The following MTX2 variants were observed in gnomAD, a reference collection of about 807,000 sequenced individuals.
MTX2 encodes the protein metaxin 2.
Under a neutral mutation model 42.3 loss-of-function variants are expected in MTX2, and 35 were observed. The ratio of observed to expected loss-of-function variants is 0.83; its 90% CI spans 0.63 to 1.10. The LOEUF (loss-of-function observed/expected upper bound fraction) is 1.10. MTX2 is among the 50% of genes least tolerant of loss of function. MTX2 has a pLI of 0.00. For synonymous variants in MTX2, 119 were observed against 100.9 expected, an observed-to-expected ratio of 1.18 and a Z score of -1.08; for missense variants, 307 against 304.1, an observed-to-expected ratio of 1.01 and a Z score of -0.07.
At chr2:176,297,531 A>G (rs937547152) in intron 2 of MTX2, among the ~76,000 whole-genome samples, 8 of 152,162 alleles carry the variant, frequency 5.3e-5, no homozygotes, top group Admixed American at 2.0e-4. Context: ...ACTTTTAACT[A>G]GAAAGGTTTC....
In MTX2 at chr2:176,270,329, C is replaced by A. The variant is rs558548310; in HGVS notation, c.40+660C>A. On this transcript the variant is annotated intron_variant, in intron 1 of 9. Transcript: ENST00000249442. ...GGGATTACAGGCGCCCGCCACCACG[C>A]CCGCGCGGATTCATGGAAAATTTTT... 1.0e-5 allele frequency: 14 copies of A among 1,346,012 alleles called. No homozygotes were observed. In the African/African-American group the frequency reaches 2.1e-4, roughly 20 times the overall value. The allele number at this position is 1,346,012 out of a possible 1,614,324, so 83.4% of individuals were successfully genotyped here. A position where few individuals can be genotyped will look rare whatever the true frequency, so the allele number is the denominator to read the frequency against.
intron 1 of MTX2, among the ~76,000 whole-genome samples, chr2:176,292,814 T>C (rs958036459): frequency 5.3e-5 from 8 of 152,256 alleles, no homozygotes; most frequent in African/African-American, 1.9e-4. Flanking sequence ...TTTGCTGATG[T>C]CAGCTTGTTT....
intron 3 of MTX2, among the ~76,000 whole-genome samples, chr2:176,322,120 G>A (rs981140567): frequency 2.0e-5 from 3 of 152,136 alleles, no homozygotes; most frequent in East Asian, 1.9e-4. Flanking sequence ...TCAGACTCAC[G>A]TGGGATTTAT....
At chr2:176,302,323 T>G (rs1209929512) in intron 3 of MTX2, among the ~76,000 whole-genome samples, 1 of 152,186 alleles carries the variant, frequency 6.6e-6, no homozygotes, top group Non-Finnish European at 1.5e-5. Flanking sequence ...ATATTTTTAC[T>G]TTTTCTTACT....
At chr2:176,286,999 G>T (rs964090097) in intron 1 of MTX2, among the ~76,000 whole-genome samples, 1 of 152,180 alleles carries the variant, frequency 6.6e-6, no homozygotes, top group African/African-American at 2.4e-5. Context: ...ACACTGTCGT[G>T]TATGTTTTTT....
chr2:176,276,039 A>C (rs185550243), intron 1 of MTX2, among the ~76,000 whole-genome samples: 2 of 152,374 alleles, frequency 1.3e-5, no homozygotes, highest in African/African-American at 4.8e-5. Flanking sequence ...CTGCCTTTTT[A>C]AGCCTGAGAT....
intron 3 of MTX2, among the ~76,000 whole-genome samples, chr2:176,299,587 G>C (rs540198327): frequency 6.6e-6 from 1 of 151,876 alleles, no homozygotes; most frequent in Non-Finnish European, 1.5e-5. Flanking sequence ...GATAAATTAC[G>C]CAGCATATAT....
Position 176,328,739 on chromosome 2 carries a change from A to G in MTX2, c.379-135A>G, listed in dbSNP as rs957815041. On this transcript the variant is annotated intron_variant, in intron 6 of 9. Transcript: ENST00000249442. Reference sequence around the variant, plus strand: ...CCATCATTACATTTTTGTGGATAGCAGCTAAGAAAAACAAACCGCTACATG... The same window carrying G: ...CCATCATTACATTTTTGTGGATAGCGGCTAAGAAAAACAAACCGCTACATG... The G allele has an allele frequency of 2.3e-5, 16 of 699,788 alleles. No homozygotes were observed. The African/African-American group carries it at 2.7e-4, about 12-fold the overall frequency. 43.3% of individuals were successfully genotyped at this position (699,788 alleles called of 1,614,324 possible). A position where few individuals can be genotyped will look rare whatever the true frequency, so the allele number is the denominator to read the frequency against.
rs937979558 is a variant in MTX2, at chr2:176,271,145, C to A, written c.40+1476C>A. 2.0e-5 allele frequency among the ~76,000 whole-genome samples: 3 copies of A among 152,070 alleles called. 1 individual carries two copies. The East Asian group carries it at 5.8e-4, about 29-fold the overall frequency. ...GCATTTTGTCTGTCTGCCGTCTTAG[C>A]TATTTGTAGTGATCTGTTACTCTAG... On this transcript the variant is annotated intron_variant, in intron 1 of 9. Transcript: ENST00000249442.
intron 9 of MTX2, 77 bp from the exon 10 acceptor site, chr2:176,337,416 G>A: frequency 1.6e-6 from 2 of 1,277,976 alleles, no homozygotes; most frequent in African/African-American, 1.5e-5. Flanking sequence ...GGACCTGTGG[G>A]TGAAGAGGGC....
chr2:176,299,574 G>T (rs995061831), intron 3 of MTX2, among the ~76,000 whole-genome samples: 1 of 151,972 alleles, frequency 6.6e-6, no homozygotes, highest in Non-Finnish European at 1.5e-5. Flanking sequence ...ATGTCACTTC[G>T]ATGATAAATT....
intron 9 of MTX2, among the ~76,000 whole-genome samples, chr2:176,332,860 G>C (rs1684894194): frequency 6.6e-6 from 1 of 151,188 alleles, no homozygotes; most frequent in Non-Finnish European, 1.5e-5. Context: ...ATACTATGAA[G>C]GTATCAGAGA....
At position 176,326,874 on chromosome 2, in the gene MTX2, T is replaced by C; in HGVS notation, c.258T>C (p.Gly86=). The C allele has an allele frequency of 6.4e-7, 1 of 1,569,916 alleles. No homozygotes were observed. The highest frequency in any genetic ancestry group is 8.7e-7 in the Non-Finnish European group (1 of 1,152,460). Residue 86 remains glycine (G), a synonymous_variant, in exon 5 of 10, where the codon GGT becomes GGC. Transcript: ENST00000249442. ...HVGNQVVSEL[G]PIVQFVKAKG... is the part of the protein sequence containing the mutation. ...GAAATCAAGTAGTATCAGAACTTGG[T>C]CCAATAGTCCAATTTGTTAAAGCCA...
At chr2:176,284,422 T>G (rs1160496558) in intron 1 of MTX2, among the ~76,000 whole-genome samples, 4 of 152,236 alleles carry the variant, frequency 2.6e-5, no homozygotes, top group Non-Finnish European at 5.9e-5. Context: ...TGTTAACCTC[T>G]AGAAGTTTGT....
In MTX2 at chr2:176,269,682, G is replaced by A; in HGVS notation, c.40+13G>A. Reference sequence around the variant, plus strand: ...TCCCAGATTGCAGGTAGCGCGGCTGGCCGCAGACCCAGAAGGTGGCGGCGC... The same window carrying A: ...TCCCAGATTGCAGGTAGCGCGGCTGACCGCAGACCCAGAAGGTGGCGGCGC... On this transcript the variant is annotated intron_variant, in intron 1 of 9. Transcript: ENST00000249442. 3.1e-6 allele frequency: 5 copies of A among 1,591,698 alleles called. No individual in the cohort carries two copies. Among genetic ancestry groups the A allele is most frequent in the African/African-American group, 1.3e-5 (1 of 74,384 alleles).
chr2:176,306,816 C>T (rs540378109), intron 3 of MTX2, among the ~76,000 whole-genome samples: 113 of 152,070 alleles, frequency 7.4e-4, no homozygotes, highest in Middle Eastern at 3.4e-3. Context: ...AGCCCTTTGT[C>T]GGATGGGTAG....
intron 3 of MTX2, among the ~76,000 whole-genome samples, chr2:176,302,812 T>G (rs1684057704): frequency 6.6e-6 from 1 of 152,174 alleles, no homozygotes; most frequent in South Asian, 2.1e-4. Context: ...TGATAAATAC[T>G]TAGCTGACCC....
intron 1 of MTX2, among the ~76,000 whole-genome samples, chr2:176,285,523 A>G (rs2105402652): frequency 6.8e-6 from 1 of 146,196 alleles, no homozygotes; most frequent in East Asian, 2.0e-4. Flanking sequence ...ATTTACAGCC[A>G]CTCCTCATTC....
At chr2:176,315,884 G>A (rs1480870675) in intron 3 of MTX2, among the ~76,000 whole-genome samples, 1 of 152,094 alleles carries the variant, frequency 6.6e-6, no homozygotes, top group African/African-American at 2.4e-5. Context: ...TACCTTATTA[G>A]TGAGGCCTTA....
Sources: gnomAD v4.1 joint callset for allele counts (sites outside exome capture counted in the v4.1 genomes callset) on GRCh38, gnomAD v4.1.1 for gene constraint, MANE v1.5 for transcripts, NCBI Gene and HGNC (gene_info 2026-07-23, HGNC 2026-07-21) for gene names.